Variants in ZNF462 observed in about 807,000 individuals in gnomAD.
The protein encoded by ZNF462 is zinc finger PBX1-interacting protein.
Under a neutral mutation model 201.9 loss-of-function variants are expected in ZNF462, and 10 were observed. The observed-to-expected ratio is 0.05, with a 90% CI of 0.03 to 0.08. The LOEUF is 0.08. Among genes scored for constraint, ZNF462 ranks in the 10% least tolerant of loss-of-function variants. ZNF462 has a pLI of 1.00. For missense variants in ZNF462, 2,523 were observed against 3,168.3 expected, an observed-to-expected ratio of 0.80 and a Z score of 4.89; for synonymous variants, 1,227 against 1,193.3, an observed-to-expected ratio of 1.03 and a Z score of -0.58.
Position 107,002,009 on chromosome 9 carries a change from C to T in ZNF462, c.7057-1285C>T, listed in dbSNP as rs531020330. Among the ~76,000 whole-genome samples the T allele has an allele frequency of 1.2e-4, 18 of 152,246 alleles. No homozygotes were observed. The South Asian group carries it at 3.7e-3, about 32-fold the overall frequency. On this transcript the variant is annotated intron_variant, in intron 10 of 12. Coordinates refer to ENST00000277225, the MANE Select transcript of ZNF462 (RefSeq NM_021224.6). ...CAGTCTCAGTGTCTAAGGCCTGGTA[C>T]GCTGAGGCTCTTTACATTTGTCACA...
intron 11 of ZNF462, among the ~76,000 whole-genome samples, chr9:107,004,995 A>C (rs1829451232): frequency 6.6e-6 from 1 of 152,130 alleles, no homozygotes; most frequent in Admixed American, 6.5e-5. Flanking sequence ...GTCTCATTTC[A>C]CTTAATGTAA....
chr9:106,911,273 A>G (rs1283393176), intron 1 of ZNF462, among the ~76,000 whole-genome samples: 2 of 152,226 alleles, frequency 1.3e-5, no homozygotes, highest in East Asian at 1.9e-4. Context: ...ATTTGCAAAC[A>G]GTAGTTGTCT....
rs1180732057 is a variant in ZNF462 at position 106,880,762 on chromosome 9, G to T, written c.-31+17407G>T. ...AAAAGTAAAACATTTTGGTTCCTTT[G>T]TGAATTAAAAAGGAATGTCTAGTAG... is the stretch of plus-strand genomic sequence containing the variant. On this transcript the variant is annotated intron_variant, in intron 1 of 12. Coordinates refer to ENST00000277225, the MANE Select transcript of ZNF462 (RefSeq NM_021224.6). The surrounding 1 kb of genome is among the most constrained non-coding windows in gnomAD (Gnocchi z 4.1). 6.6e-6 allele frequency among the ~76,000 whole-genome samples: 1 copy of T among 152,152 alleles called. No homozygotes were observed. The highest frequency in any genetic ancestry group is 2.1e-4 in the South Asian group (1 of 4,824).
At position 107,013,105 on chromosome 9, in the gene ZNF462, A is replaced by T. The variant is rs934168735; in HGVS notation, c.*2075A>T. On this transcript the variant is annotated 3_prime_UTR_variant, in exon 13 of 13. Coordinates refer to ENST00000277225, the MANE Select transcript of ZNF462 (RefSeq NM_021224.6). ...TAATGGTTACCAAAAAACAAACAAA[A>T]AAAGAAAGAAAAAGGAAAAAAAAAA... is the stretch of plus-strand genomic sequence containing the variant. 6 of 149,914 alleles carry T rather than the reference A, an allele frequency of 4.0e-5. No homozygotes were observed. Among genetic ancestry groups the T allele is most frequent in the Non-Finnish European group, 8.8e-5 (6 of 68,020 alleles). The allele number at this position is 149,914 out of a possible 1,614,324, so 9.3% of individuals were successfully genotyped here. A position where few individuals can be genotyped will look rare whatever the true frequency, so the allele number is the denominator to read the frequency against.
intron 8 of ZNF462, among the ~76,000 whole-genome samples, chr9:106,973,851 T>G (rs529529814): frequency 6.6e-6 from 1 of 152,194 alleles, no homozygotes; most frequent in Admixed American, 6.5e-5. Context: ...AACAGACAAT[T>G]TTTAAGAATA....
intron 1 of ZNF462, among the ~76,000 whole-genome samples, chr9:106,877,525 G>A (rs1027553295): frequency 6.6e-6 from 1 of 151,704 alleles, no homozygotes; most frequent in African/African-American, 2.4e-5. Flanking sequence ...GAGTAGCTGG[G>A]ACTACAGGCA....
Position 106,924,036 on chromosome 9 carries a change from G to T in ZNF462, c.221-97G>T. On this transcript the variant is annotated intron_variant, in intron 2 of 12. Transcript: ENST00000277225. The surrounding 1 kb of genome is among the most constrained non-coding windows in gnomAD (Gnocchi z 6.2). ...AGACTTCAGGCCTTTTGCATGTGAT[G>T]TTTAGTAATGAAGAATAATTGGAAT... The T allele has an allele frequency of 9.4e-7, 1 of 1,058,290 alleles. No homozygotes were observed. Among genetic ancestry groups the T allele is most frequent in the Non-Finnish European group, 1.3e-6 (1 of 741,954 alleles). 65.6% of individuals were successfully genotyped at this position (1,058,290 alleles called of 1,614,324 possible).
At chr9:106,949,815 A>G (rs1161312195) in intron 7 of ZNF462, among the ~76,000 whole-genome samples, 1 of 152,112 alleles carries the variant, frequency 6.6e-6, no homozygotes, top group Non-Finnish European at 1.5e-5. Context: ...AATAGACTAG[A>G]CTCAATGGTA....
chr9:106,942,463 G>A (rs1364520783), intron 7 of ZNF462, among the ~76,000 whole-genome samples: 1 of 152,112 alleles, frequency 6.6e-6, no homozygotes, highest in African/African-American at 2.4e-5. Flanking sequence ...ATATATTCAT[G>A]ATGATCAGTT....
intron 1 of ZNF462, among the ~76,000 whole-genome samples, chr9:106,873,416 CT>C (rs551556868): frequency 5.2e-4 from 76 of 145,244 alleles, no homozygotes; most frequent in Middle Eastern, 3.5e-3. Flanking sequence ...ATGCTGGTGA[CT>C]TTTTTTTTTT....
Position 106,974,408 on chromosome 9 carries a change from G to C in ZNF462, c.6832+135G>C. 7.2e-7 allele frequency: 1 copy of C among 1,380,122 alleles called. No individual in the cohort carries two copies. The highest frequency in any genetic ancestry group is 1.0e-6 in the Non-Finnish European group (1 of 969,930). 85.5% of individuals were successfully genotyped at this position (1,380,122 alleles called of 1,614,324 possible). ...CCTTATCTTCAGGCAAGAAACCACA[G>C]TGATAACCACAGTGACAGCCAAAAG... On this transcript the variant is annotated intron_variant, in intron 9 of 12. Coordinates refer to ENST00000277225, the MANE Select transcript of ZNF462 (RefSeq NM_021224.6). The surrounding 1 kb of genome is among the most constrained non-coding windows in gnomAD (Gnocchi z 4.0).
At chr9:106,891,011 A>G (rs1828552861) in intron 1 of ZNF462, among the ~76,000 whole-genome samples, 1 of 152,216 alleles carries the variant, frequency 6.6e-6, no homozygotes, top group African/African-American at 2.4e-5. Flanking sequence ...ACAGGAAATC[A>G]AGGAGATTTT....
At chr9:106,922,650 T>G (rs1348099378) in intron 1 of ZNF462, among the ~76,000 whole-genome samples, 1 of 152,180 alleles carries the variant, frequency 6.6e-6, no homozygotes, top group Non-Finnish European at 1.5e-5. Context: ...GAGGAATATT[T>G]TATGACCTAA....
chr9:106,921,933 T>C (rs1193871978), intron 1 of ZNF462, among the ~76,000 whole-genome samples: 1 of 152,110 alleles, frequency 6.6e-6, no homozygotes, highest in African/African-American at 2.4e-5. Context: ...AATTGCTGGG[T>C]GAAAGAAGAG....
At position 106,929,636 on chromosome 9, in the gene ZNF462, C is replaced by G; in HGVS notation, c.5724C>G (p.Thr1908=). 1 of 1,614,222 alleles carries G rather than the reference C, an allele frequency of 6.2e-7. No individual in the cohort carries two copies. The highest frequency in any genetic ancestry group is 8.5e-7 in the Non-Finnish European group (1 of 1,180,038). The change falls in exon 3 of 13, where the codon ACC becomes ACG. Residue 1908 remains threonine (T), a synonymous_variant. Coordinates refer to ENST00000277225, the MANE Select transcript of ZNF462 (RefSeq NM_021224.6). The surrounding 1 kb of genome is among the most constrained non-coding windows in gnomAD (Gnocchi z 8.7). Reference sequence around the variant, plus strand: ...AACTGCAAAGCACAGCCGAGCTGACCTCACACTTGAACATTCACAATGAGG... The same window carrying G: ...AACTGCAAAGCACAGCCGAGCTGACGTCACACTTGAACATTCACAATGAGG... ...DSKLQSTAEL[T]SHLNIHNEEF... is the part of the protein sequence containing the mutation.
At chr9:106,864,096 CTCTCTCT>C (rs1827206678) in intron 1 of ZNF462, among the ~76,000 whole-genome samples, 1 of 127,232 alleles carries the variant, frequency 7.9e-6, no homozygotes, top group African/African-American at 2.9e-5. Context: ...CTCTCTCTCT[CTCTCTCT>C]CTCTCTCCCT....
At chr9:106,983,785 A>G (rs1483928210) in intron 9 of ZNF462, among the ~76,000 whole-genome samples, 1 of 152,226 alleles carries the variant, frequency 6.6e-6, no homozygotes, top group Non-Finnish European at 1.5e-5. Flanking sequence ...CTGTAAGTCC[A>G]GCCTCAGTTG....
intron 1 of ZNF462, among the ~76,000 whole-genome samples, chr9:106,871,790 A>G (rs1419917394): frequency 6.6e-6 from 1 of 152,238 alleles, no homozygotes; most frequent in Admixed American, 6.5e-5. Context: ...GAAGTAGAGA[A>G]TAGAGCACAG....
intron 9 of ZNF462, among the ~76,000 whole-genome samples, chr9:106,982,230 A>G (rs182400459): frequency 9.5e-4 from 145 of 152,252 alleles, no homozygotes; most frequent in East Asian, 1.9e-4. Flanking sequence ...GCTGAGGTCA[A>G]TTTGCCTCCC....
Sources: allele counts gnomAD v4.1 joint callset (sites outside exome capture counted in the v4.1 genomes callset), GRCh38; gene constraint gnomAD v4.1.1; non-coding constraint Gnocchi (gnomAD v3.1); transcripts MANE v1.5; gene names NCBI Gene and HGNC (gene_info 2026-07-23, HGNC 2026-07-21).